Variants in NXN observed in about 807,000 individuals in gnomAD.
The protein encoded by NXN is nucleoredoxin 1.
Under a neutral mutation model 48.6 loss-of-function variants are expected in NXN, and 16 were observed. That is an observed-to-expected ratio of 0.33 (90% CI 0.22 to 0.50). The LOEUF (loss-of-function observed/expected upper bound fraction) is 0.50. NXN is among the 20% of genes least tolerant of loss of function. NXN has a pLI of 0.98. For synonymous variants in NXN, 281 were observed against 269.6 expected, an observed-to-expected ratio of 1.04 and a Z score of -0.41; for missense variants, 492 against 605.5, an observed-to-expected ratio of 0.81 and a Z score of 1.97.
rs1323550489 is a variant in NXN at position 978,010 on chromosome 17, A to G, written c.360+1309T>C. On this transcript the variant is annotated intron_variant, in intron 1 of 7. Coordinates refer to ENST00000336868, the MANE Select transcript of NXN (RefSeq NM_022463.5). This position sits in a 1 kb window ranked among gnomAD's most constrained non-coding sequence, Gnocchi z 4.1. ...TTCATACTTTAAATCTCGAATCTCT[A>G]CCTCCCACTGCTTCGGGATGGATGA... Among the ~76,000 whole-genome samples, 1 of 152,018 alleles carries G rather than the reference A, an allele frequency of 6.6e-6. No homozygotes were observed. Among genetic ancestry groups the G allele is most frequent in the African/African-American group, 2.4e-5 (1 of 41,352 alleles).
At chr17:898,071 A>G (rs1053688996) in intron 1 of NXN, among the ~76,000 whole-genome samples, 2 of 152,194 alleles carry the variant, frequency 1.3e-5, no homozygotes, top group African/African-American at 4.8e-5. Flanking sequence ...TTTTCAAGTA[A>G]CTACCCACCT....
intron 1 of NXN, among the ~76,000 whole-genome samples, chr17:905,975 T>TC (rs1396836356): frequency 1.1e-3 from 118 of 108,366 alleles, no homozygotes; most frequent in Non-Finnish European, 2.0e-3. Flanking sequence ...AGACCTTGTC[T>TC]CAAAAAAAAA....
Position 805,023 on chromosome 17 carries a change from C to T in NXN, c.1000+45G>A, listed in dbSNP as rs962213752. On this transcript the variant is annotated intron_variant, in intron 6 of 7. Coordinates refer to ENST00000336868, the MANE Select transcript of NXN (RefSeq NM_022463.5). ...CTCCCAAGTGAGGCCCCTCCTGTCC[C>T]GCCCCCCAGCCACCCCTCGCCCCCT... 5.6e-5 allele frequency: 85 copies of T among 1,505,576 alleles called. 1 individual carries two copies. The highest frequency in any genetic ancestry group is 2.2e-4 in the Admixed American group (11 of 49,874). 93.3% of individuals were successfully genotyped at this position (1,505,576 alleles called of 1,614,324 possible).
chr17:826,144 G>A (rs1258469395), intron 1 of NXN, 66 bp from the exon 2 acceptor site: 6 of 1,040,164 alleles, frequency 5.8e-6, no homozygotes, highest in Middle Eastern at 4.0e-4. Flanking sequence ...GTTCTTTTGA[G>A]CCCCTTAGGT....
chr17:809,276 C>T (rs546329230), intron 5 of NXN, among the ~76,000 whole-genome samples: 54 of 152,370 alleles, frequency 3.5e-4, no homozygotes, highest in Non-Finnish European at 5.0e-4. Context: ...GAGTCCCCTG[C>T]TCTGTGACAT....
At chr17:806,183 A>T (rs186803297) in intron 5 of NXN, among the ~76,000 whole-genome samples, 1,268 of 13,938 alleles carry the variant, frequency 0.091, 46 homozygotes, top group African/African-American at 0.13. Flanking sequence ...ACCCCAGCAC[A>T]ACCCCCTCCC....
At chr17:951,014 CG>C (rs2069102866) in intron 1 of NXN, among the ~76,000 whole-genome samples, 1 of 151,712 alleles carries the variant, frequency 6.6e-6, no homozygotes, top group Non-Finnish European at 1.5e-5. Flanking sequence ...CAGAAAAAAC[CG>C]GGTAGAACCC....
At chr17:843,586 C>T (rs1179825099) in intron 1 of NXN, among the ~76,000 whole-genome samples, 2 of 152,158 alleles carry the variant, frequency 1.3e-5, no homozygotes, top group African/African-American at 4.8e-5. Context: ...TCTTAAGAAG[C>T]GGCTGGGAGT....
At chr17:819,344 T>C in intron 5 of NXN, 95 bp downstream of exon 5, 1 of 828,840 alleles carries the variant, frequency 1.2e-6, no homozygotes. Flanking sequence ...ATGGAAATAA[T>C]GATGCTCTTC....
chr17:853,202 G>C (rs755200092), intron 1 of NXN, among the ~76,000 whole-genome samples: 2 of 152,066 alleles, frequency 1.3e-5, no homozygotes, highest in African/African-American at 4.8e-5. Flanking sequence ...CTGGAATCCC[G>C]GTACTTTGGG....
chr17:969,980 C>T (rs769599523), intron 1 of NXN, among the ~76,000 whole-genome samples: 23 of 152,126 alleles, frequency 1.5e-4, no homozygotes, highest in South Asian at 2.1e-4. Context: ...CCCTGGGGAG[C>T]AGGGGGAGAG....
At chr17:889,712 A>G (rs1009086505) in intron 1 of NXN, among the ~76,000 whole-genome samples, 1 of 46,740 alleles carries the variant, frequency 2.1e-5, no homozygotes, top group African/African-American at 1.3e-4. Flanking sequence ...AGAAAGAAAG[A>G]AAGAAAGAAA....
Position 956,948 on chromosome 17 carries a change from G to A in NXN, c.360+22371C>T, listed in dbSNP as rs931837784. 6.6e-6 allele frequency among the ~76,000 whole-genome samples: 1 copy of A among 152,030 alleles called. No homozygotes were observed. The highest frequency in any genetic ancestry group is 1.5e-5 in the Non-Finnish European group (1 of 68,014). On this transcript the variant is annotated intron_variant, in intron 1 of 7. Transcript: ENST00000336868. This position sits in a 1 kb window ranked among gnomAD's most constrained non-coding sequence, Gnocchi z 4.1. ...CCAGCCCTTTTAGAACCAATACCAT[G>A]GTCATCACCCAGAAAAAACTCTAAA...
chr17:801,209 C>T (rs906995831), intron 7 of NXN, 78 bp from the exon 8 acceptor site: 4 of 1,214,174 alleles, frequency 3.3e-6, no homozygotes, highest in East Asian at 2.9e-5. Flanking sequence ...CCAGTCTCCC[C>T]AGGTGTGGTA....
intron 1 of NXN, among the ~76,000 whole-genome samples, chr17:938,140 G>A (rs1209371691): frequency 6.6e-6 from 1 of 151,642 alleles, no homozygotes; most frequent in Admixed American, 6.6e-5. Flanking sequence ...GGCCCCAGGA[G>A]AACCCTGTGA....
intron 1 of NXN, among the ~76,000 whole-genome samples, chr17:904,356 A>G (rs1238508144): frequency 6.6e-6 from 1 of 152,166 alleles, no homozygotes; most frequent in African/African-American, 2.4e-5. Flanking sequence ...GTGGCCACGA[A>G]GGACAAAAGG....
intron 1 of NXN, among the ~76,000 whole-genome samples, chr17:960,159 C>T (rs758787079): frequency 6.6e-6 from 1 of 152,120 alleles, no homozygotes; most frequent in Non-Finnish European, 1.5e-5. Context: ...CCACCACCCA[C>T]GGAGGCCACC....
chr17:877,587 C>T (rs888888488), intron 1 of NXN, among the ~76,000 whole-genome samples: 27 of 152,144 alleles, frequency 1.8e-4, no homozygotes, highest in Non-Finnish European at 3.4e-4. Context: ...CAGCCCCATA[C>T]GGAAGACGGA....
In NXN at chr17:871,678, C is replaced by T. The variant is rs531771568; in HGVS notation, c.361-45600G>A. 2.0e-5 allele frequency among the ~76,000 whole-genome samples: 3 copies of T among 152,220 alleles called. 1 individual carries two copies. Among genetic ancestry groups the T allele is most frequent in the East Asian group, 1.9e-4 (1 of 5,170 alleles). ...CCTCAGCCTCCCAAAGTGCTGGGTA[C>T]AGGCATGAGCCACCGCGCCCAGCTG... On this transcript the variant is annotated intron_variant, in intron 1 of 7. Coordinates refer to ENST00000336868, the MANE Select transcript of NXN (RefSeq NM_022463.5).
Sources: gnomAD v4.1 joint callset for allele counts (sites outside exome capture counted in the v4.1 genomes callset) on GRCh38, gnomAD v4.1.1 for gene constraint, Gnocchi (gnomAD v3.1) non-coding constraint, MANE v1.5 for transcripts, NCBI Gene and HGNC (gene_info 2026-07-23, HGNC 2026-07-21) for gene names.